FSD1L: variants seen among roughly 807,000 people sequenced by gnomAD.
FSD1L encodes the protein FSD1-like protein.
In FSD1L, 45 loss-of-function variants were observed where a neutral mutation model predicts 71.6. The ratio of observed to expected loss-of-function variants is 0.63; its 90% CI spans 0.49 to 0.81. FSD1L has a LOEUF of 0.81. FSD1L is among the 30% of genes least tolerant of loss of function. The pLI is 0.00. For synonymous variants in FSD1L, 197 were observed against 207.2 expected (o/e 0.95, Z 0.42); for missense variants, 561 against 618.1 (o/e 0.91, Z 0.98).
At position 105,519,828 on chromosome 9, in the gene FSD1L, C is replaced by T. The variant is rs535471138; in HGVS notation, c.1025+6892C>T. ...CCGGCCTGTGGCGGCGAGCGGCGGCCGCTGGAGACGAGCGGCGGCGGCAGG... is the reference window on the plus strand; with the variant it reads ...CCGGCCTGTGGCGGCGAGCGGCGGCTGCTGGAGACGAGCGGCGGCGGCAGG... On this transcript the variant is annotated intron_variant, in intron 10 of 13. Transcript: ENST00000481272. Among the ~76,000 whole-genome samples the T allele has an allele frequency of 1.6e-4, 25 of 152,192 alleles. No homozygotes were observed. In the South Asian group the frequency reaches 5.0e-3, roughly 30 times the overall value.
At position 105,551,925 on chromosome 9, in the gene FSD1L, T is replaced by C. The variant is rs945537416; in HGVS notation, c.*5442T>C. On this transcript the variant is annotated 3_prime_UTR_variant, in exon 14 of 14. Transcript: ENST00000481272. ...TGGGCAGCTTGTTGTCACGGATAAA[T>C]GATATAAAATGTAACCACTGAACAT... 11 of 152,216 alleles carry C rather than the reference T, an allele frequency of 7.2e-5. No individual in the cohort carries two copies. The highest frequency in any genetic ancestry group is 1.6e-4 in the Non-Finnish European group (11 of 68,016). The allele number at this position is 152,216 out of a possible 1,614,324, so 9.4% of individuals were successfully genotyped here. A position where few individuals can be genotyped will look rare whatever the true frequency, so the allele number is the denominator to read the frequency against.
chr9:105,512,051 G>T (rs1195022002), intron 9 of FSD1L, among the ~76,000 whole-genome samples: 1 of 152,068 alleles, frequency 6.6e-6, no homozygotes, highest in Non-Finnish European at 1.5e-5. Context: ...CCATGAATCA[G>T]TACATTCTAA....
chr9:105,485,981 T>TG (rs1461756745), intron 7 of FSD1L, among the ~76,000 whole-genome samples: 1 of 150,184 alleles, frequency 6.7e-6, no homozygotes, highest in South Asian at 2.1e-4. Flanking sequence ...GTTGATTATA[T>TG]GGAACCATTC....
chr9:105,465,899 A>G (rs990937357), intron 3 of FSD1L, among the ~76,000 whole-genome samples: 2 of 151,490 alleles, frequency 1.3e-5, no homozygotes, highest in African/African-American at 4.9e-5. Context: ...TGAGACAAAG[A>G]CTTGTTCTGT....
upstream of FSD1L, among the ~76,000 whole-genome samples, chr9:105,446,275 T>G (rs1184279149): frequency 6.6e-6 from 1 of 152,210 alleles, no homozygotes; most frequent in Non-Finnish European, 1.5e-5. Context: ...CAATTCCTCT[T>G]CTCACTTTAT....
At chr9:105,481,183 CTT>C (rs1169730136) in intron 6 of FSD1L, among the ~76,000 whole-genome samples, 326 of 28,768 alleles carry the variant, frequency 0.011, 4 homozygotes, top group African/African-American at 0.04. Context: ...GTGTGTGGTT[CTT>C]TTTTTTTTTT....
Position 105,468,353 on chromosome 9 carries a change from A to T in FSD1L, c.339+29A>T, listed in dbSNP as rs757479387. On this transcript the variant is annotated intron_variant, in intron 4 of 13. Coordinates refer to ENST00000481272, the MANE Select transcript of FSD1L (RefSeq NM_001145313.3). ...AGATCATACAGCTATTGAAATATGGATAATTTTAGTCTATTTAATCCTTGA... is the reference window on the plus strand; with the variant it reads ...AGATCATACAGCTATTGAAATATGGTTAATTTTAGTCTATTTAATCCTTGA... The T allele has an allele frequency of 2.7e-6, 4 of 1,457,370 alleles. No individual in the cohort carries two copies. The African/African-American group carries it at 4.5e-5, about 16-fold the overall frequency. 90.3% of individuals were successfully genotyped at this position (1,457,370 alleles called of 1,614,324 possible).
Position 105,545,309 on chromosome 9 carries a change from T to C in FSD1L, c.1468-1049T>C, listed in dbSNP as rs1836919482. Among the ~76,000 whole-genome samples the C allele has an allele frequency of 1.4e-5, 2 of 146,412 alleles. 1 individual carries two copies. The highest frequency in any genetic ancestry group is 1.4e-4 in the Admixed American group (2 of 14,786). On this transcript the variant is annotated intron_variant, in intron 13 of 13. Transcript: ENST00000481272. ...ACTTTGCTGAAGTTGCTTATCAGCTTAAGGAGATTTTGGGCTGAGACAATG... is the reference window on the plus strand; with the variant it reads ...ACTTTGCTGAAGTTGCTTATCAGCTCAAGGAGATTTTGGGCTGAGACAATG...
At chr9:105,523,829 C>T in intron 10 of FSD1L, 1 of 1,598,366 alleles carries the variant, frequency 6.3e-7, no homozygotes, top group African/African-American at 1.3e-5. Context: ...ATACAATCAT[C>T]AAACACTGCT....
At chr9:105,544,771 G>C (rs1836866749) in intron 13 of FSD1L, among the ~76,000 whole-genome samples, 2 of 152,112 alleles carry the variant, frequency 1.3e-5, no homozygotes, top group Admixed American at 6.5e-5. Flanking sequence ...GCTCTGTTCT[G>C]TTCCATTGGT....
At chr9:105,460,967 A>G (rs904113591) in intron 1 of FSD1L, among the ~76,000 whole-genome samples, 3 of 152,208 alleles carry the variant, frequency 2.0e-5, no homozygotes, top group East Asian at 3.8e-4. Context: ...GTTAATATTT[A>G]TGTAAATAAA....
At chr9:105,504,071 G>A (rs1564120701) in intron 7 of FSD1L, among the ~76,000 whole-genome samples, 1 of 152,154 alleles carries the variant, frequency 6.6e-6, no homozygotes, top group South Asian at 2.1e-4. Context: ...AACCTCTCAG[G>A]ACTTTCAGTT....
Position 105,535,222 on chromosome 9 carries a change from C to G in FSD1L, c.1282C>G (p.Leu428Val). Residue 428 changes from leucine to valine, a missense_variant, in exon 12 of 14, where the codon CTA becomes GTA. This residue lies in a region of FSD1L where 53 missense variants were observed against 102.2 expected (regional missense o/e 0.52). Coordinates refer to ENST00000481272, the MANE Select transcript of FSD1L (RefSeq NM_001145313.3). ...TTGGTGTATCCATGTCAACAACTGG[C>G]TACAAAACACATTTGCAGCAAAGCA... ...TSWCIHVNNWLQNTFAAKHNN... is the reference protein window; with the variant it reads ...TSWCIHVNNWVQNTFAAKHNN... 6.4e-7 allele frequency: 1 copy of G among 1,551,898 alleles called. No homozygotes were observed. The highest frequency in any genetic ancestry group is 8.7e-7 in the Non-Finnish European group (1 of 1,147,006).
chr9:105,539,252 T>C lies in FSD1L; in HGVS notation c.1379-11T>C. 7.5e-7 allele frequency: 1 copy of C among 1,327,868 alleles called. No individual in the cohort carries two copies. The highest frequency in any genetic ancestry group is 2.5e-5 in the East Asian group (1 of 39,366). 82.3% of individuals were successfully genotyped at this position (1,327,868 alleles called of 1,614,324 possible). Reference sequence around the variant, plus strand: ...GTATAATAAATTAGGCTTTTTTTCCTTCTTTTTTAGGTCAACTTTCATTCT... The same window carrying C: ...GTATAATAAATTAGGCTTTTTTTCCCTCTTTTTTAGGTCAACTTTCATTCT... On this transcript the variant is annotated splice_polypyrimidine_tract_variant and intron_variant, in intron 12 of 13. Transcript: ENST00000481272.
At chr9:105,497,396 TTCTC>T (rs1320472276) in intron 7 of FSD1L, among the ~76,000 whole-genome samples, 1 of 152,250 alleles carries the variant, frequency 6.6e-6, no homozygotes, top group Non-Finnish European at 1.5e-5. Context: ...TTAGGAAGTA[TTCTC>T]TCTATTTTTC....
intron 10 of FSD1L, chr9:105,524,833 C>T: frequency 6.3e-7 from 1 of 1,588,838 alleles, no homozygotes; most frequent in Non-Finnish European, 8.6e-7. Flanking sequence ...GGTGGTCCTG[C>T]TATGCTAACA....
chr9:105,444,101 A>G (rs1038135010), upstream of FSD1L, among the ~76,000 whole-genome samples: 33 of 152,142 alleles, frequency 2.2e-4, no homozygotes, highest in Admixed American at 1.3e-4. Flanking sequence ...TATAACAGGG[A>G]AAGGGGGAGT....
intron 2 of FSD1L, among the ~76,000 whole-genome samples, chr9:105,462,220 T>G (rs189821450): frequency 0.012 from 1,726 of 141,180 alleles, 48 homozygotes; most frequent in African/African-American, 0.042. Flanking sequence ...TTAAGTTTTG[T>G]TTTTTTTTTT....
Position 105,551,602 on chromosome 9 carries a change from G to T in FSD1L, c.*5119G>T. The T allele has an allele frequency of 6.6e-6, 1 of 152,024 alleles. No homozygotes were observed. Among genetic ancestry groups the T allele is most frequent in the South Asian group, 2.1e-4 (1 of 4,820 alleles). 9.4% of individuals were successfully genotyped at this position (152,024 alleles called of 1,614,324 possible). The stretch of plus-strand genomic sequence containing the variant: ...CTTTGATAAAGCGTGTGCTTAAAGT[G>T]GTATCACCAGTGATTTCTAACATGA... On this transcript the variant is annotated 3_prime_UTR_variant, in exon 14 of 14. Transcript: ENST00000481272.
Sources: allele counts gnomAD v4.1 joint callset (sites outside exome capture counted in the v4.1 genomes callset), GRCh38; gene constraint gnomAD v4.1.1; regional missense constraint gnomAD v4.1.1; transcripts MANE v1.5; gene names NCBI Gene and HGNC (gene_info 2026-07-23, HGNC 2026-07-21).